The following SNTG2 variants were observed in gnomAD, a reference collection of about 807,000 sequenced individuals.
SNTG2 encodes the protein gamma-2-syntrophin.
SNTG2 carries 74 observed loss-of-function variants against 70.9 expected under a neutral mutation model. That is an observed-to-expected ratio of 1.04 (90% CI 0.86 to 1.27). The LOEUF (loss-of-function observed/expected upper bound fraction) is 1.27, where lower values mean the gene tolerates loss of function less well. Among genes scored for constraint, SNTG2 ranks in the 50% most tolerant of loss-of-function variants. The probability of loss-of-function intolerance (pLI) is 0.00; values close to 1 mark genes in which losing one functional copy is unlikely to be tolerated. For missense variants in SNTG2, 717 were observed against 690.7 expected, an observed-to-expected ratio of 1.04 and a Z score of -0.43; for synonymous variants, 278 against 273.8, an observed-to-expected ratio of 1.02 and a Z score of -0.15.
chr2:1,192,264 A>G (rs1487430533), intron 8 of SNTG2, among the ~76,000 whole-genome samples: 1 of 152,106 alleles, frequency 6.6e-6, no homozygotes, highest in African/African-American at 2.4e-5. Flanking sequence ...GTGATTTAGA[A>G]AGGTCTGAGT....
intron 6 of SNTG2, among the ~76,000 whole-genome samples, chr2:1,146,400 GA>G (rs1437379564): frequency 6.6e-6 from 1 of 152,052 alleles, no homozygotes; most frequent in African/African-American, 2.4e-5. Context: ...AGAAATCATA[GA>G]AAAAAATTAA....
At chr2:1,281,254 GTGGTGGTATGTGTGTGCT>G (rs1679509729) in intron 14 of SNTG2, among the ~76,000 whole-genome samples, 2 of 998 alleles carry the variant, frequency 2.0e-3, no homozygotes, top group Non-Finnish European at 5.6e-3. Context: ...TGGTGTGTGT[GTGGTGGTATGTGTGTGCT>G]TGTGTATTTG....
At chr2:1,351,992 C>T (rs758213263) in intron 16 of SNTG2, among the ~76,000 whole-genome samples, 18 of 152,128 alleles carry the variant, frequency 1.2e-4, no homozygotes, top group Admixed American at 4.6e-4. Context: ...GGACATGGTT[C>T]GGTGTCTTCC....
At chr2:1,001,111 A>AC (rs1215457044) in intron 1 of SNTG2, among the ~76,000 whole-genome samples, 1 of 152,060 alleles carries the variant, frequency 6.6e-6, no homozygotes, top group Non-Finnish European at 1.5e-5. Flanking sequence ...TATTGAAGGA[A>AC]CATACATAAA....
At chr2:1,299,279 C>G (rs150533315) in intron 14 of SNTG2, among the ~76,000 whole-genome samples, 1 of 152,284 alleles carries the variant, frequency 6.6e-6, no homozygotes, top group African/African-American at 2.4e-5. Flanking sequence ...AAGGAATGTC[C>G]GCAAACCAAG....
At chr2:1,177,647 T>C (rs1399512335) in intron 8 of SNTG2, among the ~76,000 whole-genome samples, 1 of 152,114 alleles carries the variant, frequency 6.6e-6, no homozygotes, top group African/African-American at 2.4e-5. Flanking sequence ...TAAAATTCTA[T>C]AATACCCAGC....
chr2:1,339,920 C>T (rs1198194100), intron 16 of SNTG2, among the ~76,000 whole-genome samples: 1 of 152,210 alleles, frequency 6.6e-6, no homozygotes, highest in Non-Finnish European at 1.5e-5. Context: ...GATCTGCAGA[C>T]TAGAAACTGC....
chr2:1,358,947 A>G lies in SNTG2; in HGVS notation c.1489-8396A>G, dbSNP rs1043712726. Reference sequence around the variant, plus strand: ...AAGGGTGATACTGAACTCTGCTCCTATTGTTGTGTTGTTGTCTACTTCTAC... The same window carrying G: ...AAGGGTGATACTGAACTCTGCTCCTGTTGTTGTGTTGTTGTCTACTTCTAC... On this transcript the variant is annotated intron_variant, in intron 16 of 16. Transcript: ENST00000308624. Among the ~76,000 whole-genome samples, 5 of 151,904 alleles carry G rather than the reference A, an allele frequency of 3.3e-5. No homozygotes were observed. In the East Asian group the frequency reaches 5.8e-4, roughly 18 times the overall value.
intron 1 of SNTG2, among the ~76,000 whole-genome samples, chr2:962,803 G>A (rs1339927081): frequency 1.3e-5 from 2 of 152,182 alleles, no homozygotes; most frequent in Non-Finnish European, 2.9e-5. Flanking sequence ...CTTCTAATTT[G>A]ATTGAGGAGA....
chr2:1,004,690 G>C (rs1371330458), intron 1 of SNTG2, among the ~76,000 whole-genome samples: 2 of 152,198 alleles, frequency 1.3e-5, no homozygotes, highest in Non-Finnish European at 2.9e-5. Context: ...GAGCGATGGG[G>C]ACTCTCCTTC....
intron 2 of SNTG2, among the ~76,000 whole-genome samples, chr2:1,093,984 C>T (rs1665207817): frequency 1.1e-5 from 1 of 93,152 alleles, no homozygotes; most frequent in Non-Finnish European, 2.1e-5. Context: ...TCCTGGACTG[C>T]AGGCGAAGGC....
At chr2:1,194,199 G>A (rs1018947759) in intron 8 of SNTG2, among the ~76,000 whole-genome samples, 1 of 152,184 alleles carries the variant, frequency 6.6e-6, no homozygotes, top group African/African-American at 2.4e-5. Flanking sequence ...TTAGAAGTAG[G>A]AGGAAGCAGA....
intron 16 of SNTG2, among the ~76,000 whole-genome samples, chr2:1,326,726 T>C (rs1362673185): frequency 1.3e-5 from 2 of 152,228 alleles, no homozygotes; most frequent in African/African-American, 2.4e-5. Flanking sequence ...ATATTATTAA[T>C]GCTGAAGCAA....
chr2:1,323,464 C>A (rs1278205819), intron 16 of SNTG2, among the ~76,000 whole-genome samples: 1 of 112,812 alleles, frequency 8.9e-6, no homozygotes, highest in Non-Finnish European at 1.9e-5. Flanking sequence ...ATGCCTGAGA[C>A]CCCCCAGTAG....
chr2:953,398 G>A (rs560987124), intron 1 of SNTG2, among the ~76,000 whole-genome samples: 4 of 152,226 alleles, frequency 2.6e-5, no homozygotes, highest in Non-Finnish European at 5.9e-5. Context: ...GGCATGAGCC[G>A]GGAACATGCC....
intron 1 of SNTG2, among the ~76,000 whole-genome samples, chr2:1,067,687 CAA>C (rs1663247792): frequency 6.6e-6 from 1 of 152,128 alleles, no homozygotes; most frequent in Non-Finnish European, 1.5e-5. Flanking sequence ...GTATCGAACT[CAA>C]AGAGGTAAAA....
At chr2:1,140,362 A>C (rs1294997514) in intron 6 of SNTG2, among the ~76,000 whole-genome samples, 2 of 152,196 alleles carry the variant, frequency 1.3e-5, no homozygotes, top group African/African-American at 2.4e-5. Flanking sequence ...AGCCGAGTAA[A>C]CTGTCCGTAT....
chr2:1,216,363 G>A (rs1402265253), intron 9 of SNTG2, among the ~76,000 whole-genome samples: 4 of 152,152 alleles, frequency 2.6e-5, no homozygotes, highest in Middle Eastern at 3.2e-3. Context: ...CTTTTGAGAA[G>A]TGTCTGTTCA....
intron 14 of SNTG2, among the ~76,000 whole-genome samples, chr2:1,271,353 C>T (rs1034213588): frequency 6.6e-6 from 1 of 152,060 alleles, no homozygotes; most frequent in Non-Finnish European, 1.5e-5. Flanking sequence ...CTGCAATTTA[C>T]AAGACTTTTG....
Sources: allele counts gnomAD v4.1 joint callset (sites outside exome capture counted in the v4.1 genomes callset), GRCh38; gene constraint gnomAD v4.1.1; transcripts MANE v1.5; gene names NCBI Gene and HGNC (gene_info 2026-07-23, HGNC 2026-07-21).